COL6A5: variants seen among roughly 807,000 people sequenced by gnomAD.
COL6A5 encodes the protein collagen alpha-5(VI) chain.
Under a neutral mutation model 65.6 loss-of-function variants are expected in COL6A5, and 48 were observed. The observed-to-expected ratio is 0.73, with a 90% CI of 0.58 to 0.93. COL6A5 has a LOEUF of 0.93. Ranked by LOEUF, COL6A5 falls within the 40% of genes least tolerant of loss-of-function variation. The pLI is 0.00. For missense variants in COL6A5, 914 were observed against 928.3 expected, an observed-to-expected ratio of 0.98 and a Z score of 0.20; for synonymous variants, 291 against 322.8, an observed-to-expected ratio of 0.90 and a Z score of 1.05.
intron 3 of COL6A5, 29 bp from the exon 4 acceptor site, chr3:130,379,389 T>C: frequency 2.0e-6 from 3 of 1,535,640 alleles, no homozygotes; most frequent in Non-Finnish European, 1.8e-6. Context: ...TGGTTTATAC[T>C]AATCCTCACA....
At chr3:130,434,753 T>C (rs1480841312) in intron 1 of COL6A5, among the ~76,000 whole-genome samples, 2 of 152,252 alleles carry the variant, frequency 1.3e-5, no homozygotes, top group Non-Finnish European at 2.9e-5. Flanking sequence ...AAGTGTCTCT[T>C]CATATCCTTT....
At chr3:130,434,972 C>T (rs757110246) in intron 1 of COL6A5, among the ~76,000 whole-genome samples, 3 of 152,036 alleles carry the variant, frequency 2.0e-5, no homozygotes, top group Non-Finnish European at 4.4e-5. Context: ...TTTTGGCTTT[C>T]GTTGCAACTG....
chr3:130,370,719 G>A (rs1935523560), intron 1 of COL6A5, among the ~76,000 whole-genome samples: 1 of 152,196 alleles, frequency 6.6e-6, no homozygotes. Context: ...GTTGGGGCAG[G>A]TAAGGGAATA....
chr3:130,483,729 G>A (rs1477630042), intron 7 of COL6A5, among the ~76,000 whole-genome samples: 1 of 152,118 alleles, frequency 6.6e-6, no homozygotes, highest in African/African-American at 2.4e-5. Context: ...CCTTGATATT[G>A]TCTATTGCAC....
chr3:130,391,882 G>A, intron 7 of COL6A5, 128 bp downstream of exon 7: 1 of 747,382 alleles, frequency 1.3e-6, no homozygotes, highest in Non-Finnish European at 2.1e-6. Context: ...CAGGCTATCA[G>A]TTTTCTCATC....
At chr3:130,422,681 A>G in intron 27 of COL6A5, 39 bp from the exon 28 acceptor site, 1 of 1,306,756 alleles carries the variant, frequency 7.7e-7, no homozygotes, top group South Asian at 1.3e-5. Flanking sequence ...TTCATAGCAA[A>G]TACTTTAACA....
chr3:130,356,049 C>CT (rs1010008654), intron 1 of COL6A5, among the ~76,000 whole-genome samples: 1 of 152,012 alleles, frequency 6.6e-6, no homozygotes, highest in Non-Finnish European at 1.5e-5. Context: ...CCTCCTCTTC[C>CT]TTTTTTTGCA....
chr3:130,443,736 T>TA (rs1709241860), intron 4 of COL6A5, among the ~76,000 whole-genome samples, 170 bp downstream of exon 36: 1 of 152,174 alleles, frequency 6.6e-6, no homozygotes, highest in South Asian at 2.1e-4. Flanking sequence ...GATTTCCAAT[T>TA]TGTTTTTATA....
At chr3:130,407,637 G>C (rs1357279896) in intron 17 of COL6A5, among the ~76,000 whole-genome samples, 1 of 152,204 alleles carries the variant, frequency 6.6e-6, no homozygotes, top group Non-Finnish European at 1.5e-5. Context: ...GAGTTATGTG[G>C]AGTAAATACC....
In COL6A5 at chr3:130,440,243, G is replaced by A; in HGVS notation, c.661G>A (p.Asp221Asn). ...ATACATGGATGTAGTCTTCCTCATA[G>A]ACAATTCTCGGAATATAGCAAAGGA... is the stretch of plus-strand genomic sequence containing the variant. The change falls in exon 3 of 8, where the codon GAC (aspartate) becomes AAC (asparagine). Residue 221 changes from aspartate to asparagine, a missense_variant. Coordinates refer to ENST00000512836, the Ensembl canonical transcript of COL6A5. The A allele has an allele frequency of 1.9e-6, 3 of 1,613,278 alleles. No homozygotes were observed. The South Asian group carries it at 3.3e-5, about 18-fold the overall frequency.
At chr3:130,440,818 G>T (rs778454018) in exon 3 of COL6A5, 2 of 1,607,688 alleles carry the variant, frequency 1.2e-6, no homozygotes, top group East Asian at 2.2e-5. Context: ...TTTTATACTC[G>T]GTCAGGCGTA....
intron 23 of COL6A5, 75 bp downstream of exon 23, chr3:130,415,782 T>A (rs978888621): frequency 8.0e-7 from 1 of 1,253,456 alleles, no homozygotes; most frequent in Non-Finnish European, 1.1e-6. Context: ...AATCTTCACA[T>A]ATAATTTTTT....
chr3:130,452,240 C>T (rs530709979), intron 4 of COL6A5, among the ~76,000 whole-genome samples: 2 of 152,212 alleles, frequency 1.3e-5, no homozygotes, highest in East Asian at 3.9e-4. Context: ...TTTCTCCGCA[C>T]CTACCAAAGG....
chr3:130,362,266 C>CTCTCTCTCTCTCTCTCTTTG (rs1658669213), intron 1 of COL6A5, among the ~76,000 whole-genome samples: 1 of 139,534 alleles, frequency 7.2e-6, no homozygotes, highest in African/African-American at 2.7e-5. Flanking sequence ...CTCTCTCTCT[C>CTCTCTCTCTCTCTCTCTTTG]TCTCTTTGTC....
At chr3:130,480,052 ACTC>A (rs1175994225) in intron 7 of COL6A5, among the ~76,000 whole-genome samples, 4 of 151,882 alleles carry the variant, frequency 2.6e-5, no homozygotes, top group Non-Finnish European at 4.4e-5. Flanking sequence ...CTCTGATAAA[ACTC>A]CTTCAAGATC....
chr3:130,444,608 C>T (rs548558349), intron 4 of COL6A5, among the ~76,000 whole-genome samples: 12 of 152,220 alleles, frequency 7.9e-5, no homozygotes, highest in Middle Eastern at 3.4e-3. Context: ...AAGGCTTAGT[C>T]GTTCTCTCGA....
In COL6A5 at chr3:130,440,174, T is replaced by C; in HGVS notation, c.592T>C (p.Phe198Leu). 6.2e-7 allele frequency: 1 copy of C among 1,609,938 alleles called. No individual in the cohort carries two copies. The highest frequency in any genetic ancestry group is 1.7e-5 in the Admixed American group (1 of 59,672). Residue 198 changes from phenylalanine (F) to leucine (L), a missense_variant, in exon 3 of 8, where the codon TTT (phenylalanine) becomes CTT (leucine). Phe to Leu is a conservative substitution (Grantham distance 22, BLOSUM62 0). Transcript: ENST00000512836. ...TCTCTGTGTGTTTTCAGATAAATGT[T>C]TTCCAAATGCTTGCATTCGAGAGGC...
At chr3:130,388,343 TATGCATGC>T (rs71620080) in intron 5 of COL6A5, among the ~76,000 whole-genome samples, 44 of 151,230 alleles carry the variant, frequency 2.9e-4, no homozygotes, top group African/African-American at 6.3e-4. Context: ...ATAAATGAGT[TATGCATGC>T]ATGCATGCAT....
intron 14 of COL6A5, 45 bp from the exon 15 acceptor site, chr3:130,405,948 A>G (rs1238583695): frequency 1.6e-5 from 25 of 1,540,228 alleles, no homozygotes; most frequent in Non-Finnish European, 2.0e-5. Context: ...TTGAATCCAC[A>G]CTCTGTCTTT....
Sources: gnomAD v4.1 joint callset for allele counts (sites outside exome capture counted in the v4.1 genomes callset) on GRCh38, gnomAD v4.1.1 for gene constraint, MANE v1.5 for transcripts, NCBI Gene and HGNC (gene_info 2026-07-23, HGNC 2026-07-21) for gene names.